Variants in PHF24 observed in about 807,000 individuals in gnomAD.
PHF24 encodes Galpha inhibitory interacting protein.
PHF24 carries 25 observed loss-of-function variants against 42.6 expected under a neutral mutation model. That is an observed-to-expected ratio of 0.59 (90% CI 0.43 to 0.82). The LOEUF (loss-of-function observed/expected upper bound fraction) is 0.82, where lower values mean the gene tolerates loss of function less well. PHF24 is among the 40% of genes least tolerant of loss of function. PHF24 has a pLI of 0.00. For synonymous variants in PHF24, 185 were observed against 204.8 expected, an observed-to-expected ratio of 0.90 and a Z score of 0.83; for missense variants, 470 against 538.1, an observed-to-expected ratio of 0.87 and a Z score of 1.25.
chr9:34,805,422 C>T, the PHF24 span, among the ~76,000 whole-genome samples: 4 of 152,328 alleles, frequency 2.6e-5, no homozygotes, highest in Non-Finnish European at 4.4e-5. Flanking sequence ...AGTGGTCACC[C>T]ACTGTGGTTT....
intron 3 of PHF24, among the ~76,000 whole-genome samples, chr9:34,975,887 G>A (rs1224803603): frequency 6.6e-6 from 1 of 151,954 alleles, no homozygotes; most frequent in Non-Finnish European, 1.5e-5. Flanking sequence ...TAGCTCAGAG[G>A]AGAAAACCAC....
At chr9:34,977,872 T>G (rs774043749) in intron 7 of PHF24, 143 bp from the exon 8 acceptor site, 3 of 780,646 alleles carry the variant, frequency 3.8e-6, no homozygotes, top group Admixed American at 3.9e-5. Context: ...TTCCCTGAGT[T>G]TTGTGTAGCT....
chr9:34,787,148 A>G, the PHF24 span, among the ~76,000 whole-genome samples: 1,782 of 152,128 alleles, frequency 0.012, 26 homozygotes, highest in African/African-American at 0.04. Flanking sequence ...TACACCCGGT[A>G]TTTATGAAGA....
At chr9:34,796,355 T>G in the PHF24 span, among the ~76,000 whole-genome samples, 1 of 151,382 alleles carries the variant, frequency 6.6e-6, no homozygotes, top group Non-Finnish European at 1.5e-5. Context: ...GAATGGTCCC[T>G]AAGAAAAAAA....
chr9:34,844,576 G>C, the PHF24 span, among the ~76,000 whole-genome samples: 1 of 151,946 alleles, frequency 6.6e-6, no homozygotes, highest in South Asian at 2.1e-4. Context: ...TAATTTCCAG[G>C]TATTTGTGAA....
At chr9:34,836,961 C>T in the PHF24 span, 1 of 396,892 alleles carries the variant, frequency 2.5e-6, no homozygotes, top group African/African-American at 2.1e-5. Flanking sequence ...CTGTGTATGT[C>T]TCCCTCCCAG....
the PHF24 span, among the ~76,000 whole-genome samples, chr9:34,697,382 C>T: frequency 1.3e-5 from 2 of 152,188 alleles, no homozygotes; most frequent in East Asian, 1.9e-4. Context: ...TGCAATGGCA[C>T]GATCTCTGCT....
At chr9:34,826,614 G>T in the PHF24 span, among the ~76,000 whole-genome samples, 22 of 152,366 alleles carry the variant, frequency 1.4e-4, no homozygotes, top group Non-Finnish European at 2.5e-4. Flanking sequence ...GAACACAAGT[G>T]ATGTTGTGGA....
chr9:34,701,719 C>T, the PHF24 span, among the ~76,000 whole-genome samples: 1 of 152,042 alleles, frequency 6.6e-6, no homozygotes, highest in Non-Finnish European at 1.5e-5. This position sits in a 1 kb window ranked among gnomAD's most constrained non-coding sequence, Gnocchi z 5.8. Flanking sequence ...CCGACAGTTA[C>T]CCCGGGCCAG....
At chr9:34,691,153 A>T in the PHF24 span, 1 of 1,613,026 alleles carries the variant, frequency 6.2e-7, no homozygotes, top group Non-Finnish European at 8.5e-7. Context: ...GGGTGAACAG[A>T]GGCAGGCCAA....
chr9:34,750,603 T>G, the PHF24 span, among the ~76,000 whole-genome samples: 2 of 152,072 alleles, frequency 1.3e-5, no homozygotes, highest in Non-Finnish European at 2.9e-5. Context: ...TGTTTATTAG[T>G]TTATTTATGC....
the PHF24 span, among the ~76,000 whole-genome samples, chr9:34,699,989 A>G: frequency 1.3e-5 from 2 of 152,362 alleles, no homozygotes; most frequent in South Asian, 2.1e-4. Flanking sequence ...ACCTTTACTA[A>G]TAACATTTGA....
At chr9:34,921,176 TG>T in the PHF24 span, among the ~76,000 whole-genome samples, 2 of 144,504 alleles carry the variant, frequency 1.4e-5, no homozygotes, top group African/African-American at 4.9e-5. Context: ...TATACCCAGT[TG>T]TTTTTTTTTT....
the PHF24 span, chr9:34,837,760 A>C: frequency 2.8e-6 from 3 of 1,068,832 alleles, no homozygotes; most frequent in Non-Finnish European, 4.2e-6. Context: ...TCATGTCCAA[A>C]ATGAGACTTA....
At chr9:34,731,975 C>T in the PHF24 span, among the ~76,000 whole-genome samples, 1 of 151,974 alleles carries the variant, frequency 6.6e-6, no homozygotes. Context: ...CTCAGCCTCC[C>T]AGGTAGCTGG....
the PHF24 span, among the ~76,000 whole-genome samples, chr9:34,741,283 G>A: frequency 6.6e-6 from 1 of 152,158 alleles, no homozygotes; most frequent in Non-Finnish European, 1.5e-5. Context: ...CTGGCTACTA[G>A]ACAGGTAGAT....
At chr9:34,774,484 C>T in the PHF24 span, among the ~76,000 whole-genome samples, 2 of 152,150 alleles carry the variant, frequency 1.3e-5, no homozygotes, top group East Asian at 3.9e-4. Context: ...AGAAATAAGC[C>T]AAACCAGCTG....
At chr9:34,822,797 T>G in the PHF24 span, among the ~76,000 whole-genome samples, 1 of 152,200 alleles carries the variant, frequency 6.6e-6, no homozygotes, top group Non-Finnish European at 1.5e-5. Context: ...GATTCTGCTG[T>G]GCAGGTAGCC....
At chr9:34,884,385 A>C in the PHF24 span, among the ~76,000 whole-genome samples, 1 of 152,188 alleles carries the variant, frequency 6.6e-6, no homozygotes, top group Admixed American at 6.5e-5. Context: ...AAAAAGAATA[A>C]TTTTTTAAAA....
Sources: gnomAD v4.1 joint callset for allele counts (sites outside exome capture counted in the v4.1 genomes callset) on GRCh38, gnomAD v4.1.1 for gene constraint, Gnocchi (gnomAD v3.1) non-coding constraint, MANE v1.5 for transcripts, NCBI Gene and HGNC (gene_info 2026-07-23, HGNC 2026-07-21) for gene names.